FAM53A: variants seen among roughly 807,000 people sequenced by gnomAD.
FAM53A encodes protein FAM53A.
A neutral mutation model predicts 26.6 loss-of-function variants in FAM53A; 28 were observed. The ratio of observed to expected loss-of-function variants is 1.05; its 90% confidence interval spans 0.78 to 1.45. FAM53A has a LOEUF of 1.45. Ranked by LOEUF, FAM53A falls within the 40% of genes most tolerant of loss-of-function variation. The pLI is 0.00. For synonymous variants in FAM53A, 290 were observed against 253.1 expected, an observed-to-expected ratio of 1.15 and a Z score of -1.38; for missense variants, 650 against 575.8, an observed-to-expected ratio of 1.13 and a Z score of -1.32.
intron 1 of FAM53A, among the ~76,000 whole-genome samples, chr4:1,628,994 C>A (rs1360930298): frequency 6.6e-6 from 1 of 151,882 alleles, no homozygotes; most frequent in Non-Finnish European, 1.5e-5. Context: ...CACGATGAGT[C>A]CCCGTGACCG....
intron 4 of FAM53A, among the ~76,000 whole-genome samples, chr4:1,645,234 C>T (rs574609769): frequency 6.6e-5 from 10 of 152,236 alleles, no homozygotes; most frequent in African/African-American, 9.6e-5. Flanking sequence ...GCCCACAGGG[C>T]GCAGGGATGT....
At chr4:1,644,435 A>G (rs1712055150) in intron 4 of FAM53A, 12 of 1,451,230 alleles carry the variant, frequency 8.3e-6, no homozygotes, top group Non-Finnish European at 1.1e-5. Context: ...GCAGCTGTAC[A>G]GCTCAGCGCC....
At chr4:1,661,880 G>A (rs866696130) in intron 2 of FAM53A, among the ~76,000 whole-genome samples, 2 of 152,226 alleles carry the variant, frequency 1.3e-5, no homozygotes, top group South Asian at 2.1e-4. Context: ...TCCATGCCAC[G>A]GAGCACCTCT....
chr4:1,635,365 C>T (rs2121460), downstream of FAM53A, among the ~76,000 whole-genome samples: 30,640 of 152,032 alleles, frequency 0.2, 3,649 homozygotes, highest in South Asian at 0.28. Flanking sequence ...CCTCAACCTC[C>T]GGGACTCAAA....
chr4:1,642,176 C>A (rs1470417624), intron 4 of FAM53A, among the ~76,000 whole-genome samples: 2 of 152,198 alleles, frequency 1.3e-5, no homozygotes, highest in Admixed American at 1.3e-4. Flanking sequence ...GCAGCTCCCA[C>A]CTTCTCTGTC....
intron 1 of FAM53A, among the ~76,000 whole-genome samples, chr4:1,673,851 CA>C (rs1714851357): frequency 1.3e-5 from 2 of 152,382 alleles, no homozygotes; most frequent in South Asian, 4.1e-4. Flanking sequence ...GAGGCGCATG[CA>C]GCGCGGGAGG....
chr4:1,606,931 G>A, the FAM53A span, among the ~76,000 whole-genome samples: 26 of 152,216 alleles, frequency 1.7e-4, no homozygotes, highest in Non-Finnish European at 3.7e-4. Context: ...GTTCCCCACC[G>A]CAGCTGTACC....
chr4:1,684,496 G>A (rs941279381), upstream of FAM53A, among the ~76,000 whole-genome samples: 1 of 150,766 alleles, frequency 6.6e-6, no homozygotes, highest in Non-Finnish European at 1.5e-5. Flanking sequence ...CACCGAGTCC[G>A]CAGCGCGCCC....
chr4:1,637,464 G>A (rs1057176792), downstream of FAM53A, among the ~76,000 whole-genome samples: 25 of 152,272 alleles, frequency 1.6e-4, no homozygotes, highest in East Asian at 3.9e-4. Context: ...GTATTCAGGA[G>A]AAGACATAGG....
intron 1 of FAM53A, among the ~76,000 whole-genome samples, chr4:1,627,942 G>A (rs1178777997): frequency 6.6e-6 from 1 of 150,498 alleles, no homozygotes; most frequent in Admixed American, 6.6e-5. Flanking sequence ...CTACCTTCAG[G>A]GTCCTCCTGT....
intron 1 of FAM53A, among the ~76,000 whole-genome samples, chr4:1,676,015 T>C (rs1715017998): frequency 6.6e-6 from 1 of 152,226 alleles, no homozygotes; most frequent in South Asian, 2.1e-4. Context: ...GACTCCATCC[T>C]CCAAAAAGGC....
chr4:1,575,316 T>G, the FAM53A span, among the ~76,000 whole-genome samples: 6 of 152,290 alleles, frequency 3.9e-5, no homozygotes, highest in Admixed American at 1.3e-4. Context: ...GCCCCCAACC[T>G]TACCCCATCC....
the FAM53A span, among the ~76,000 whole-genome samples, chr4:1,594,927 G>A: frequency 4.6e-5 from 7 of 152,206 alleles, no homozygotes; most frequent in South Asian, 1.2e-3. Context: ...AGGAGCTCTC[G>A]GGTGTGGAGG....
chr4:1,620,699 ACACCACCAC>A (rs60242901), intron 1 of FAM53A, among the ~76,000 whole-genome samples: 2 of 150,484 alleles, frequency 1.3e-5, no homozygotes, highest in African/African-American at 4.9e-5. Flanking sequence ...GAAAGAAAAA[ACACCACCAC>A]CACCACCACC....
At chr4:1,601,865 G>T in the FAM53A span, among the ~76,000 whole-genome samples, 1 of 125,224 alleles carries the variant, frequency 8.0e-6, no homozygotes, top group Non-Finnish European at 1.8e-5. Context: ...TCCAGCTAGA[G>T]CGAGGCTGGG....
downstream of FAM53A, among the ~76,000 whole-genome samples, chr4:1,637,642 G>A (rs978991667): frequency 1.0e-5 from 1 of 95,642 alleles, no homozygotes; most frequent in African/African-American, 3.4e-5. Context: ...GGCAGGGGTG[G>A]GCAGGGGTGG....
intron 1 of FAM53A, among the ~76,000 whole-genome samples, chr4:1,628,056 A>T (rs1292993637): frequency 6.9e-4 from 1 of 1,450 alleles, no homozygotes; most frequent in African/African-American, 5.6e-3. Context: ...GGTGCACCTC[A>T]GGGGGTGGGT....
At chr4:1,653,874 G>A (rs990451841) in intron 4 of FAM53A, among the ~76,000 whole-genome samples, 1 of 152,236 alleles carries the variant, frequency 6.6e-6, no homozygotes, top group Non-Finnish European at 1.5e-5. Context: ...AGGTCGAGGA[G>A]GACCTGGGCC....
the FAM53A span, among the ~76,000 whole-genome samples, chr4:1,577,628 C>T: frequency 6.6e-6 from 1 of 152,196 alleles, no homozygotes; most frequent in East Asian, 1.9e-4. Context: ...GCCTGTTGTG[C>T]GCCAATTACC....
Sources: allele counts gnomAD v4.1 joint callset (sites outside exome capture counted in the v4.1 genomes callset), GRCh38; gene constraint gnomAD v4.1.1; transcripts MANE v1.5; gene names NCBI Gene and HGNC (gene_info 2026-07-23, HGNC 2026-07-21).